SLCO1B1: variants seen among roughly 807,000 people sequenced by gnomAD.
SLCO1B1 encodes the protein solute carrier organic anion transporter family member 1B1, also known as OATP-2.
A neutral mutation model predicts 70.1 loss-of-function variants in SLCO1B1; 81 were observed. That is an observed-to-expected ratio of 1.16 (90% CI 0.97 to 1.39). SLCO1B1 has a LOEUF of 1.39. Ranked by LOEUF, SLCO1B1 falls within the 40% of genes most tolerant of loss-of-function variation. SLCO1B1 has a pLI of 0.00. For synonymous variants in SLCO1B1, 283 were observed against 271.5 expected (o/e 1.04, Z -0.42); for missense variants, 895 against 799.6 (o/e 1.12, Z -1.44).
rs185971397 is a variant in SLCO1B1 at position 21,157,665 on chromosome 12, G to A, written c.85-14985G>A. On this transcript the variant is annotated intron_variant, in intron 2 of 14. Coordinates refer to ENST00000256958, the MANE Select transcript of SLCO1B1 (RefSeq NM_006446.5). ...CACCCAGGCTGGAGTGCAGTGGCGC[G>A]ATCTTGGCTCACTGCAAGCTCTGCC... Among the ~76,000 whole-genome samples the A allele has an allele frequency of 2.9e-3, 426 of 149,436 alleles. 3 individuals are homozygous for A. Among genetic ancestry groups the A allele is most frequent in the African/African-American group, 9.7e-3 (394 of 40,426 alleles).
intron 6 of SLCO1B1, 45 bp from the exon 7 acceptor site, chr12:21,178,877 C>T (rs1347741205): frequency 1.4e-6 from 2 of 1,430,352 alleles, no homozygotes; most frequent in Non-Finnish European, 2.0e-6. Flanking sequence ...GAATAAGAAC[C>T]ATGCATTCTT....
At chr12:21,222,082 T>A (rs1185679935) in intron 12 of SLCO1B1, among the ~76,000 whole-genome samples, 2 of 152,036 alleles carry the variant, frequency 1.3e-5, no homozygotes, top group Non-Finnish European at 2.9e-5. Context: ...TTAAGCCATC[T>A]TGAAATCATG....
rs77468276 is a variant in SLCO1B1, at chr12:21,202,601, G to C, written c.1246G>C (p.Val416Leu). 6.2e-7 allele frequency: 1 copy of C among 1,612,564 alleles called. No homozygotes were observed. Among genetic ancestry groups the C allele is most frequent in the Middle Eastern group, 1.7e-4 (1 of 6,048 alleles). The change falls in exon 10 of 15, where the codon GTG becomes CTG. Residue 416 changes from valine (V) to leucine (L), a missense_variant. Coordinates refer to ENST00000256958, the MANE Select transcript of SLCO1B1 (RefSeq NM_006446.5). The stretch of plus-strand genomic sequence containing the variant: ...TGCCAAATTCTCATGTTTTACTGCT[G>C]TGATGTCATTGTCCTTTTACCTATT... ...GIAKFSCFTAVMSLSFYLLYF... is the reference protein window; with the variant it reads ...GIAKFSCFTALMSLSFYLLYF...
At position 21,154,648 on chromosome 12, in the gene SLCO1B1, C is replaced by G. The variant is rs555592955; in HGVS notation, c.84+12990C>G. ...TCTAGACACTATGACTATTTTACCT[C>G]CTTTCCTGTTTTTAGTTTTTTTTTA... On this transcript the variant is annotated intron_variant, in intron 2 of 14. Coordinates refer to ENST00000256958, the MANE Select transcript of SLCO1B1 (RefSeq NM_006446.5). Among the ~76,000 whole-genome samples, 202 of 152,102 alleles carry G rather than the reference C, an allele frequency of 1.3e-3. 1 individual carries two copies. Among genetic ancestry groups the G allele is most frequent in the African/African-American group, 4.7e-3 (195 of 41,518 alleles).
rs186604966 is a variant in SLCO1B1, at chr12:21,151,773, G to T, written c.84+10115G>T. 3.2e-3 allele frequency among the ~76,000 whole-genome samples: 491 copies of T among 152,074 alleles called. 6 individuals are homozygous for T. The highest frequency in any genetic ancestry group is 0.032 in the East Asian group (165 of 5,170). On this transcript the variant is annotated intron_variant, in intron 2 of 14. Coordinates refer to ENST00000256958, the MANE Select transcript of SLCO1B1 (RefSeq NM_006446.5). ...TCATGTTAGATGGATAAATACACAG[G>T]GTATGGGGAAGGTATTTTTTCCTCT...
chr12:21,142,066 CT>C lies in SLCO1B1; in HGVS notation c.84+412del, dbSNP rs578052101. Among the ~76,000 whole-genome samples the C allele has an allele frequency of 4.4e-3, 194 of 44,372 alleles. 1 individual carries two copies. Among genetic ancestry groups the C allele is most frequent in the African/African-American group, 7.6e-3 (188 of 24,642 alleles). The allele number at this position is 44,372 out of a possible 152,430, so 29.1% of individuals were successfully genotyped here. On this transcript the variant is annotated intron_variant, in intron 2 of 14. Transcript: ENST00000256958. ...TGTGATACTGACTTATTTAAAAATT[CT>C]TTTAAAAAAAAAAACAAAAAACAGG...
chr12:21,174,529 C>T (rs760778288), intron 3 of SLCO1B1, 48 bp from the exon 4 acceptor site: 20 of 1,595,012 alleles, frequency 1.3e-5, no homozygotes, highest in South Asian at 4.5e-5. Flanking sequence ...CAATTCTAGA[C>T]GCAAAATTGA....
Position 21,205,927 on chromosome 12 carries a change from A to G in SLCO1B1, c.1391A>G (p.Asn464Ser). The G allele has an allele frequency of 1.2e-6, 2 of 1,611,476 alleles. No individual in the cohort carries two copies. Among genetic ancestry groups the G allele is most frequent in the South Asian group, 1.1e-5 (1 of 91,020 alleles). The change falls in exon 11 of 15, where the codon AAT (asparagine) becomes AGT (serine). Residue 464 changes from asparagine (N) to serine (S), a missense_variant. By Grantham distance (46) the Asn-to-Ser change is conservative (BLOSUM62 1). Transcript: ENST00000256958. ...VPLSYCNSDCNCDESQWEPVC... is the reference protein window; with the variant it reads ...VPLSYCNSDCSCDESQWEPVC... ...CTTTCTTATTGCAACTCAGACTGCA[A>G]TTGTGATGAAAGTCAATGGGAACCA... is the stretch of plus-strand genomic sequence containing the variant.
At chr12:21,235,307 G>GT (rs905469742) in intron 14 of SLCO1B1, among the ~76,000 whole-genome samples, 1 of 150,240 alleles carries the variant, frequency 6.7e-6, no homozygotes, top group African/African-American at 2.5e-5. Context: ...CACTTACTTG[G>GT]TTTTTTTTAA....
chr12:21,190,526 A>C (rs1454623905), intron 7 of SLCO1B1, among the ~76,000 whole-genome samples: 1 of 152,152 alleles, frequency 6.6e-6, no homozygotes, highest in Non-Finnish European at 1.5e-5. Context: ...CTAATAACTA[A>C]TTAATTTTTA....
intron 7 of SLCO1B1, among the ~76,000 whole-genome samples, chr12:21,195,165 T>C (rs149830641): frequency 8.8e-4 from 134 of 152,272 alleles, no homozygotes; most frequent in Non-Finnish European, 1.6e-3. Flanking sequence ...ACTGGTATTG[T>C]ATAGGAGAAA....
rs370943869 is a variant in SLCO1B1 at position 21,178,967 on chromosome 12, C to T, written c.674C>T (p.Thr225Ile). Reference protein sequence around the residue: ...IAMIGPIIGFTLGSLFSKMYV... With the variant: ...IAMIGPIIGFILGSLFSKMYV... ...ATGATTGGTCCAATCATTGGCTTTA[C>T]CCTGGGATCTCTGTTTTCTAAAATG... The change falls in exon 7 of 15, where the codon ACC becomes ATC. Residue 225 changes from threonine (T) to isoleucine (I), a missense_variant. By Grantham distance (89) the Thr-to-Ile change is moderately conservative (BLOSUM62 -1). Transcript: ENST00000256958. 5 of 1,612,034 alleles carry T rather than the reference C, an allele frequency of 3.1e-6. No homozygotes were observed. The highest frequency in any genetic ancestry group is 4.2e-6 in the Non-Finnish European group (5 of 1,178,758).
At chr12:21,171,117 T>A (rs1940751265) in intron 2 of SLCO1B1, among the ~76,000 whole-genome samples, 1 of 152,186 alleles carries the variant, frequency 6.6e-6, no homozygotes. Flanking sequence ...GGGTGCAATT[T>A]TAAAGAGATT....
At chr12:21,203,860 C>G (rs757482472) in intron 10 of SLCO1B1, among the ~76,000 whole-genome samples, 1 of 152,014 alleles carries the variant, frequency 6.6e-6, no homozygotes, top group African/African-American at 2.4e-5. Context: ...AGACTCTAGA[C>G]TGATCCTATG....
rs781602745 is a variant in SLCO1B1 at position 21,178,770 on chromosome 12, A to G, written c.628+48A>G. ...TTGTATGATCACTTTCCCTTTGTCT[A>G]CTTTTGAAATAGTAGAGTTACTAAA... On this transcript the variant is annotated intron_variant, in intron 6 of 14. Transcript: ENST00000256958. 1.1e-5 allele frequency: 17 copies of G among 1,538,594 alleles called. No homozygotes were observed. In the Admixed American group the frequency reaches 2.0e-4, roughly 18 times the overall value.
intron 7 of SLCO1B1, among the ~76,000 whole-genome samples, chr12:21,194,548 C>T (rs1385330707): frequency 6.6e-6 from 1 of 152,120 alleles, no homozygotes; most frequent in East Asian, 1.9e-4. Context: ...TTGTCCATGT[C>T]ACGATCTGCA....
chr12:21,146,010 C>T (rs1263690037), intron 2 of SLCO1B1, among the ~76,000 whole-genome samples: 2 of 151,968 alleles, frequency 1.3e-5, no homozygotes, highest in African/African-American at 2.4e-5. Context: ...CTGAAAAAAA[C>T]TGTAGAGAAT....
chr12:21,152,307 T>C (rs1940481734), intron 2 of SLCO1B1, among the ~76,000 whole-genome samples: 1 of 151,960 alleles, frequency 6.6e-6, no homozygotes, highest in African/African-American at 2.4e-5. Flanking sequence ...ACACTTAGCA[T>C]ATTAATCACA....
chr12:21,176,668 TG>T, intron 4 of SLCO1B1, 107 bp from the exon 5 acceptor site: 1 of 866,524 alleles, frequency 1.2e-6, no homozygotes, highest in Non-Finnish European at 1.9e-6. Flanking sequence ...TCTGGTAATT[TG>T]GGGAAGATAA....
Sources: gnomAD v4.1 joint callset for allele counts (sites outside exome capture counted in the v4.1 genomes callset) on GRCh38, gnomAD v4.1.1 for gene constraint, MANE v1.5 for transcripts, NCBI Gene and HGNC (gene_info 2026-07-23, HGNC 2026-07-21) for gene names.